RASGEF1A: variants seen among roughly 807,000 people sequenced by gnomAD.
The protein encoded by RASGEF1A is RasGEF domain family member 1A, also known as ras-GEF domain-containing family member 1A.
Under a neutral mutation model 56.4 loss-of-function variants are expected in RASGEF1A, and 18 were observed. The ratio of observed to expected loss-of-function variants is 0.32; its 90% CI spans 0.22 to 0.47. RASGEF1A has a LOEUF of 0.47. Among genes scored for constraint, RASGEF1A ranks in the 20% least tolerant of loss-of-function variants. The pLI, the probability that RASGEF1A is intolerant of heterozygous loss-of-function variation, is 1.00. For missense variants in RASGEF1A, 422 were observed against 627.1 expected (o/e 0.67, Z 3.49); for synonymous variants, 245 against 242.6 (o/e 1.01, Z -0.09).
At chr10:43,207,710 A>G (rs186904897) in intron 1 of RASGEF1A, 38 of 985,352 alleles carry the variant, frequency 3.9e-5, no homozygotes, top group Admixed American at 6.1e-5. Context: ...GGTGCCTCAC[A>G]CAAGTTAGAA....
At chr10:43,198,399 C>A (rs959226193) in intron 9 of RASGEF1A, among the ~76,000 whole-genome samples, 2 of 152,214 alleles carry the variant, frequency 1.3e-5, no homozygotes, top group Non-Finnish European at 2.9e-5. Context: ...GTCCTGGCAT[C>A]CTCTGGAAAG....
chr10:43,250,854 G>A lies in RASGEF1A; in HGVS notation c.-7+15991C>T, dbSNP rs188906168. Among the ~76,000 whole-genome samples the A allele has an allele frequency of 1.2e-4, 18 of 152,348 alleles. No homozygotes were observed. The East Asian group carries it at 1.7e-3, about 15-fold the overall frequency. ...AGAGGGCTGGAGGCTTGGGAGTGGT[G>A]GTCCTGGGGAACAAGGCTCAATGGA... On this transcript the variant is annotated intron_variant, in intron 1 of 12. Transcript: ENST00000395810.
intron 1 of RASGEF1A, among the ~76,000 whole-genome samples, chr10:43,231,878 AGAG>A (rs1411236577): frequency 4.6e-5 from 7 of 152,268 alleles, no homozygotes; most frequent in Non-Finnish European, 8.8e-5. Context: ...TTCAGAAAGT[AGAG>A]AAGAAGCCAG....
intron 1 of RASGEF1A, among the ~76,000 whole-genome samples, chr10:43,225,315 GTGTGTCTGTGTCTC>G (rs1323313402): frequency 2.7e-5 from 4 of 147,496 alleles, no homozygotes; most frequent in East Asian, 2.0e-4. Flanking sequence ...GTGTGTGTCT[GTGTGTCTGTGTCTC>G]TGTGTCTGTG....
intron 1 of RASGEF1A, among the ~76,000 whole-genome samples, chr10:43,245,178 C>T (rs147145655): frequency 6.6e-6 from 1 of 152,086 alleles, no homozygotes; most frequent in African/African-American, 2.4e-5. Flanking sequence ...CAGCTGTTTG[C>T]CAAGAAATTA....
At chr10:43,198,244 C>A in intron 9 of RASGEF1A, 49 bp from the exon 10 acceptor site, 1 of 1,490,486 alleles carries the variant, frequency 6.7e-7, no homozygotes, top group South Asian at 1.2e-5. Context: ...CATGCCCCTC[C>A]GACCTGCTCC....
At chr10:43,212,438 G>A (rs573847943) in intron 1 of RASGEF1A, among the ~76,000 whole-genome samples, 1 of 152,340 alleles carries the variant, frequency 6.6e-6, no homozygotes, top group East Asian at 1.9e-4. Context: ...GAACAGCCAC[G>A]TGCTGATGGC....
At chr10:43,235,234 C>A (rs2133213792) in intron 1 of RASGEF1A, among the ~76,000 whole-genome samples, 1 of 152,320 alleles carries the variant, frequency 6.6e-6, no homozygotes, top group South Asian at 2.1e-4. Flanking sequence ...TCCTTCCAGG[C>A]ACCAGCATAC....
intron 1 of RASGEF1A, among the ~76,000 whole-genome samples, chr10:43,254,184 C>G (rs559195941): frequency 1.3e-5 from 2 of 152,338 alleles, no homozygotes; most frequent in East Asian, 1.9e-4. Flanking sequence ...AACCCTGGAG[C>G]CAGGACACTT....
intron 1 of RASGEF1A, among the ~76,000 whole-genome samples, chr10:43,259,673 A>G (rs1281404023): frequency 6.6e-6 from 1 of 152,208 alleles, no homozygotes; most frequent in African/African-American, 2.4e-5. Context: ...CCTCACAGGC[A>G]GGAACGAGAT....
intron 1 of RASGEF1A, among the ~76,000 whole-genome samples, chr10:43,230,150 G>T (rs570529274): frequency 3.0e-4 from 45 of 152,336 alleles, no homozygotes; most frequent in African/African-American, 1.1e-3. Flanking sequence ...TCACCTGATC[G>T]TAGACGTCCA....
At chr10:43,215,627 G>A (rs1387099915) in intron 1 of RASGEF1A, among the ~76,000 whole-genome samples, 1 of 152,206 alleles carries the variant, frequency 6.6e-6, no homozygotes, top group East Asian at 1.9e-4. Context: ...GGGGAAGGAG[G>A]TGGGTGTTCC....
intron 1 of RASGEF1A, among the ~76,000 whole-genome samples, chr10:43,228,994 C>T (rs1001514637): frequency 1.3e-5 from 2 of 152,338 alleles, no homozygotes; most frequent in African/African-American, 2.4e-5. Context: ...CGAATCACAC[C>T]GCCTTACGCC....
At chr10:43,248,068 A>C (rs1187580709) in intron 1 of RASGEF1A, among the ~76,000 whole-genome samples, 1 of 150,798 alleles carries the variant, frequency 6.6e-6, no homozygotes, top group Non-Finnish European at 1.5e-5. Flanking sequence ...AAAAAAAAAA[A>C]AACATGGCCG....
intron 10 of RASGEF1A, 22 bp downstream of exon 10, chr10:43,197,982 C>G: frequency 2.5e-6 from 4 of 1,586,300 alleles, no homozygotes; most frequent in Non-Finnish European, 3.4e-6. Flanking sequence ...GCCTGGCCTG[C>G]CCTGTGCTGG....
chr10:43,242,144 A>G (rs930485049), intron 1 of RASGEF1A, among the ~76,000 whole-genome samples: 4 of 152,212 alleles, frequency 2.6e-5, no homozygotes, highest in Admixed American at 6.5e-5. Context: ...TCTCAAAAAA[A>G]TAAATAAATA....
Position 43,255,156 on chromosome 10 carries a change from G to A in RASGEF1A, c.-7+11689C>T, listed in dbSNP as rs909075698. ...GCCGGTGTCGGGCTTGGCTGCAGTG[G>A]GAATGCCCAGCAGGAAGGACAGCAG... is the stretch of plus-strand genomic sequence containing the variant. On this transcript the variant is annotated intron_variant, in intron 1 of 12. Coordinates refer to ENST00000395810, the MANE Select transcript of RASGEF1A (RefSeq NM_145313.4). Among the ~76,000 whole-genome samples the A allele has an allele frequency of 4.3e-4, 65 of 152,222 alleles. 1 individual carries two copies. Among genetic ancestry groups the A allele is most frequent in the African/African-American group, 1.5e-3 (61 of 41,548 alleles).
chr10:43,200,079 G>A, intron 6 of RASGEF1A, 103 bp downstream of exon 6: 1 of 938,236 alleles, frequency 1.1e-6, no homozygotes, highest in Non-Finnish European at 1.7e-6. Context: ...GCACTCCGGA[G>A]ACGCTCGGGG....
intron 1 of RASGEF1A, among the ~76,000 whole-genome samples, chr10:43,221,552 C>A (rs1465023820): frequency 6.6e-6 from 1 of 152,200 alleles, no homozygotes; most frequent in African/African-American, 2.4e-5. Flanking sequence ...CACAGGGCTC[C>A]GGAGAAGGAG....
Sources: gnomAD v4.1 joint callset for allele counts (sites outside exome capture counted in the v4.1 genomes callset) on GRCh38, gnomAD v4.1.1 for gene constraint, MANE v1.5 for transcripts, NCBI Gene and HGNC (gene_info 2026-07-23, HGNC 2026-07-21) for gene names.